The following DHRS3 variants were observed in gnomAD, a reference collection of about 807,000 sequenced individuals.
The protein encoded by DHRS3 is short-chain dehydrogenase/reductase 3.
A neutral mutation model predicts 27.2 loss-of-function variants in DHRS3; 14 were observed. The observed-to-expected ratio is 0.52, with a 90% CI of 0.34 to 0.81. The LOEUF is 0.81. DHRS3 is among the 30% of genes least tolerant of loss of function. The pLI is 0.01. For synonymous variants in DHRS3, 165 were observed against 175.9 expected (o/e 0.94, Z 0.49); for missense variants, 322 against 406.2 (o/e 0.79, Z 1.78).
intron 1 of DHRS3, among the ~76,000 whole-genome samples, chr1:12,603,945 G>A (rs919610770): frequency 5.3e-5 from 8 of 152,232 alleles, no homozygotes; most frequent in African/African-American, 1.4e-4. Context: ...ACGAGCTCTC[G>A]CCCTGAGCCT....
At chr1:12,597,873 G>A (rs1283632011) in intron 1 of DHRS3, among the ~76,000 whole-genome samples, 8 of 152,008 alleles carry the variant, frequency 5.3e-5, no homozygotes, top group African/African-American at 1.2e-4. Context: ...AGTGTAGGGC[G>A]CTTCTGAGAG....
At chr1:12,572,898 G>C in intron 4 of DHRS3, 45 bp from the exon 5 acceptor site, 1 of 1,528,444 alleles carries the variant, frequency 6.5e-7, no homozygotes, top group Non-Finnish European at 8.8e-7. Flanking sequence ...GGAGAGGCAT[G>C]TGCTTATCTG....
chr1:12,581,358 G>A (rs910189279), intron 1 of DHRS3, among the ~76,000 whole-genome samples: 1 of 152,204 alleles, frequency 6.6e-6, no homozygotes, highest in Non-Finnish European at 1.5e-5. Flanking sequence ...TGGCTTCACC[G>A]ATTAGGTCTA....
chr1:12,611,934 A>AAAATAAATAAAT (rs138133904), intron 1 of DHRS3, among the ~76,000 whole-genome samples: 32,573 of 144,542 alleles, frequency 0.23, 3,921 homozygotes, highest in African/African-American at 0.26. Flanking sequence ...CTCTATTTTT[A>AAAATAAATAAAT]AAATAAATAA....
intron 5 of DHRS3, among the ~76,000 whole-genome samples, chr1:12,571,187 C>T (rs1646533320): frequency 6.6e-6 from 1 of 152,170 alleles, no homozygotes; most frequent in South Asian, 2.1e-4. Context: ...TACTAAGAGG[C>T]CCAAGAAAAC....
rs78113894 is a variant in DHRS3 at position 12,590,042 on chromosome 1, C to T, written c.196-9376G>A. 1.8e-3 allele frequency among the ~76,000 whole-genome samples: 278 copies of T among 152,176 alleles called. 6 individuals are homozygous for T. The East Asian group carries it at 0.027, about 15-fold the overall frequency. On this transcript the variant is annotated intron_variant, in intron 1 of 5. Coordinates refer to ENST00000616661, the MANE Select transcript of DHRS3 (RefSeq NM_004753.7). ...CTATTTCTTGATTCCATCCTTCCAC[C>T]TTACTTAGAAGGCTCTCCTTTTTCT...
chr1:12,585,299 GTGTA>G (rs1646686946), intron 1 of DHRS3, among the ~76,000 whole-genome samples: 2 of 151,036 alleles, frequency 1.3e-5, no homozygotes, highest in African/African-American at 2.4e-5. Context: ...CTCTATGTGA[GTGTA>G]TGTGTCTGTG....
rs1412328120 is a variant in DHRS3 at position 12,568,247 on chromosome 1, C to A, written c.*93G>T. The A allele has an allele frequency of 2.1e-5, 25 of 1,217,704 alleles. No individual in the cohort carries two copies. Among genetic ancestry groups the A allele is most frequent in the Admixed American group, 1.2e-4 (7 of 58,586 alleles). The allele number at this position is 1,217,704 out of a possible 1,614,324, so 75.4% of individuals were successfully genotyped here. Reference sequence around the variant, plus strand: ...GACAGGAGCTGTCCTGCTCACCCAGCAGAAGCATGCCAATGGACAGGTGCT... The same window carrying A: ...GACAGGAGCTGTCCTGCTCACCCAGAAGAAGCATGCCAATGGACAGGTGCT... On this transcript the variant is annotated 3_prime_UTR_variant, in exon 6 of 6. Transcript: ENST00000616661.
chr1:12,577,375 A>G (rs914414276), intron 4 of DHRS3, among the ~76,000 whole-genome samples: 16 of 152,198 alleles, frequency 1.1e-4, no homozygotes, highest in African/African-American at 3.6e-4. Context: ...CAGATCAGCC[A>G]CAGCAGTAAT....
intron 1 of DHRS3, among the ~76,000 whole-genome samples, chr1:12,614,723 T>TTTTC (rs56961229): frequency 9.8e-6 from 1 of 102,072 alleles, no homozygotes; most frequent in African/African-American, 3.9e-5. Flanking sequence ...TTTTTTTTTT[T>TTTTC]GCTTTTTGGG....
chr1:12,608,750 G>A lies in DHRS3; in HGVS notation c.195+8404C>T, dbSNP rs542758702. On this transcript the variant is annotated intron_variant, in intron 1 of 5. Coordinates refer to ENST00000616661, the MANE Select transcript of DHRS3 (RefSeq NM_004753.7). The surrounding 1 kb of genome is among the most constrained non-coding windows in gnomAD (Gnocchi z 4.1). ...GGCAGGAAGGTGTTCCTCTTGCAGGGCCCAGGTCTGCATTTTCGAGCCCTC... is the reference window on the plus strand; with the variant it reads ...GGCAGGAAGGTGTTCCTCTTGCAGGACCCAGGTCTGCATTTTCGAGCCCTC... Among the ~76,000 whole-genome samples, 3 of 152,276 alleles carry A rather than the reference G, an allele frequency of 2.0e-5. No individual in the cohort carries two copies. The highest frequency in any genetic ancestry group is 1.9e-4 in the East Asian group (1 of 5,192).
intron 1 of DHRS3, among the ~76,000 whole-genome samples, chr1:12,598,381 T>C (rs1205855096): frequency 6.7e-6 from 1 of 149,492 alleles, no homozygotes; most frequent in Non-Finnish European, 1.5e-5. Flanking sequence ...TCTCGGCAAG[T>C]AAAATAAAAC....
At chr1:12,611,350 G>A (rs1646908122) in intron 1 of DHRS3, among the ~76,000 whole-genome samples, 1 of 152,242 alleles carries the variant, frequency 6.6e-6, no homozygotes, top group Admixed American at 6.5e-5. Context: ...AAAAAACCAG[G>A]AAATTTTGTT....
At chr1:12,602,125 C>T (rs1047815305) in intron 1 of DHRS3, among the ~76,000 whole-genome samples, 12 of 152,156 alleles carry the variant, frequency 7.9e-5, no homozygotes, top group Non-Finnish European at 1.6e-4. Flanking sequence ...TTGGCCTCAC[C>T]GCAGCCCGGT....
rs770737842 is a variant in DHRS3, at chr1:12,572,859, C to A, written c.699-6G>T. The A allele has an allele frequency of 3.1e-6, 5 of 1,592,270 alleles. No homozygotes were observed. The highest frequency in any genetic ancestry group is 3.4e-6 in the Non-Finnish European group (4 of 1,169,582). ...GGGGAAAGAGGTTGGGAAACCTGAA[C>A]ACAGGAAGAGACACAGTGGGTTTCT... On this transcript the variant is annotated splice_region_variant and splice_polypyrimidine_tract_variant and intron_variant, in intron 4 of 5. Transcript: ENST00000616661.
At chr1:12,604,238 C>T (rs765294636) in intron 1 of DHRS3, among the ~76,000 whole-genome samples, 1 of 152,196 alleles carries the variant, frequency 6.6e-6, no homozygotes, top group African/African-American at 2.4e-5. Context: ...TCTCAGGCCA[C>T]GCAGAGCTCA....
intron 5 of DHRS3, among the ~76,000 whole-genome samples, chr1:12,570,628 GCT>G (rs1394142552): frequency 1.3e-4 from 20 of 152,296 alleles, no homozygotes; most frequent in Admixed American, 7.2e-4. Flanking sequence ...AAGGCTGAGG[GCT>G]TACTGTGGAG....
chr1:12,579,078 G>A (rs1166728720), intron 3 of DHRS3, 122 bp from the exon 4 acceptor site: 7 of 1,239,016 alleles, frequency 5.6e-6, no homozygotes, highest in African/African-American at 4.5e-5. Flanking sequence ...GCCTTCCTGC[G>A]AGGGAGAGGG....
At chr1:12,614,514 A>T (rs1570405903) in intron 1 of DHRS3, among the ~76,000 whole-genome samples, 2 of 96,544 alleles carry the variant, frequency 2.1e-5, no homozygotes, top group East Asian at 3.0e-4. Context: ...GTGTGCCTTT[A>T]AAAAAAAAAA....
Sources: allele counts gnomAD v4.1 joint callset (sites outside exome capture counted in the v4.1 genomes callset), GRCh38; gene constraint gnomAD v4.1.1; non-coding constraint Gnocchi (gnomAD v3.1); transcripts MANE v1.5; gene names NCBI Gene and HGNC (gene_info 2026-07-23, HGNC 2026-07-21).